Variants in SLC41A2 observed in about 807,000 individuals in gnomAD.
The protein encoded by SLC41A2 is solute carrier family 41 member 2.
A neutral mutation model predicts 58.3 loss-of-function variants in SLC41A2; 32 were observed. That is an observed-to-expected ratio of 0.55 (90% CI 0.41 to 0.74). SLC41A2 has a LOEUF of 0.74. Among genes scored for constraint, SLC41A2 ranks in the 30% least tolerant of loss-of-function variants. The pLI is 0.00. For synonymous variants in SLC41A2, 190 were observed against 235.0 expected (o/e 0.81, Z 1.75); for missense variants, 514 against 680.6 (o/e 0.76, Z 2.72).
chr12:104,823,892 T>C lies in SLC41A2; in HGVS notation c.1537-18555A>G, dbSNP rs557111400. On this transcript the variant is annotated intron_variant, in intron 10 of 10. Coordinates refer to ENST00000258538, the MANE Select transcript of SLC41A2 (RefSeq NM_001352171.3). ...ATTATATTGTATTAGGGATTTTTGT[T>C]AAATAAGTAGATTTTAGCTGTTTTT... Among the ~76,000 whole-genome samples, 4 of 152,330 alleles carry C rather than the reference T, an allele frequency of 2.6e-5. No individual in the cohort carries two copies. The East Asian group carries it at 7.7e-4, about 29-fold the overall frequency.
intron 10 of SLC41A2, among the ~76,000 whole-genome samples, chr12:104,830,142 G>T (rs2041991126): frequency 6.6e-6 from 1 of 152,188 alleles, no homozygotes; most frequent in Non-Finnish European, 1.5e-5. Flanking sequence ...TGACTGGGGA[G>T]TTGGTTCATA....
intron 8 of SLC41A2, among the ~76,000 whole-genome samples, chr12:104,853,920 T>TA (rs2042913134): frequency 1.3e-5 from 1 of 79,114 alleles, no homozygotes; most frequent in African/African-American, 3.7e-5. Flanking sequence ...GATTTTTTTT[T>TA]TTTTTTTTTT....
At chr12:104,958,448 G>C (rs1318322398), upstream of SLC41A2, 4 of 151,666 alleles carry the variant, frequency 2.6e-5, no homozygotes, top group South Asian at 2.1e-4. Context: ...CGCCCCGCCC[G>C]GACCCCGGCC....
chr12:104,936,645 A>G (rs1487818425), intron 1 of SLC41A2, among the ~76,000 whole-genome samples: 1 of 152,220 alleles, frequency 6.6e-6, no homozygotes, highest in African/African-American at 2.4e-5. Flanking sequence ...TCATGAGAAC[A>G]GCACAAGAAA....
intron 2 of SLC41A2, among the ~76,000 whole-genome samples, chr12:104,917,271 T>C (rs976231978): frequency 2.7e-5 from 4 of 150,694 alleles, no homozygotes; most frequent in Non-Finnish European, 4.5e-5. Flanking sequence ...AAAACCACAA[T>C]GAGATACCAT....
intron 1 of SLC41A2, among the ~76,000 whole-genome samples, chr12:104,929,649 C>T (rs977036789): frequency 6.6e-6 from 1 of 152,244 alleles, no homozygotes; most frequent in Admixed American, 6.5e-5. Context: ...CTGACAATTG[C>T]TGCCATAGCT....
chr12:104,878,394 T>C (rs1412732352), intron 6 of SLC41A2, among the ~76,000 whole-genome samples: 4 of 151,478 alleles, frequency 2.6e-5, no homozygotes, highest in African/African-American at 9.7e-5. Flanking sequence ...ACATGTGCCA[T>C]GTTGCTGTGC....
At chr12:104,833,335 C>G (rs1253313003) in intron 10 of SLC41A2, among the ~76,000 whole-genome samples, 5 of 152,268 alleles carry the variant, frequency 3.3e-5, no homozygotes, top group Non-Finnish European at 5.9e-5. Context: ...TAGGGGCCAA[C>G]CAAACAATGG....
chr12:104,826,841 G>A (rs1484006808), intron 10 of SLC41A2, among the ~76,000 whole-genome samples: 1 of 152,206 alleles, frequency 6.6e-6, no homozygotes, highest in African/African-American at 2.4e-5. Context: ...CCTGATGGAC[G>A]CTGAGAAGCA....
At chr12:104,876,878 C>T (rs1012419606) in intron 6 of SLC41A2, among the ~76,000 whole-genome samples, 2 of 152,164 alleles carry the variant, frequency 1.3e-5, no homozygotes, top group South Asian at 2.1e-4. Flanking sequence ...AAGTGGGGTA[C>T]TGAAGTCCCC....
intron 1 of SLC41A2, among the ~76,000 whole-genome samples, chr12:104,937,555 G>C (rs1009938741): frequency 8.5e-5 from 13 of 152,320 alleles, no homozygotes; most frequent in South Asian, 2.1e-4. Flanking sequence ...ATCTAGGTTT[G>C]TGTTAGCATA....
In SLC41A2 at chr12:104,934,063, A is replaced by G. The variant is rs76147182; in HGVS notation, c.-167-5369T>C. Among the ~76,000 whole-genome samples, 1,249 of 149,066 alleles carry G rather than the reference A, an allele frequency of 8.4e-3. 31 individuals carry two copies. The East Asian group carries it at 0.12, about 14-fold the overall frequency. On this transcript the variant is annotated intron_variant, in intron 1 of 10. Coordinates refer to ENST00000258538, the MANE Select transcript of SLC41A2 (RefSeq NM_001352171.3). ...CAAAACTACTTGTACTCATAAAGCT[A>G]CTAAAAAAAAAAAATTGTTTAAGTT...
chr12:104,851,875 A>C (rs1187019533), intron 8 of SLC41A2: 1 of 152,198 alleles, frequency 6.6e-6, no homozygotes, highest in Non-Finnish European at 1.5e-5. Context: ...TAGTGTTGCT[A>C]AAGTTGGTAT....
intron 6 of SLC41A2, among the ~76,000 whole-genome samples, chr12:104,869,988 G>A (rs1271095784): frequency 1.3e-5 from 2 of 152,078 alleles, no homozygotes; most frequent in Admixed American, 6.6e-5. Flanking sequence ...ATTAAAATCT[G>A]GGTATATCAT....
intron 6 of SLC41A2, among the ~76,000 whole-genome samples, chr12:104,885,291 T>A (rs1749328154): frequency 6.6e-6 from 1 of 152,206 alleles, no homozygotes; most frequent in African/African-American, 2.4e-5. Context: ...TGCCACTCAC[T>A]AAATAACTTA....
At chr12:104,925,769 G>A (rs2046812263) in intron 2 of SLC41A2, among the ~76,000 whole-genome samples, 2 of 152,114 alleles carry the variant, frequency 1.3e-5, no homozygotes, top group African/African-American at 4.8e-5. Flanking sequence ...CTGCTAAGCT[G>A]TACTCTAACA....
rs527940874 is a variant in SLC41A2, at chr12:104,835,212, T to A, written c.1536+9260A>T. 3.5e-4 allele frequency among the ~76,000 whole-genome samples: 53 copies of A among 152,358 alleles called. 1 individual carries two copies. In the South Asian group the frequency reaches 0.011, roughly 32 times the overall value. On this transcript the variant is annotated intron_variant, in intron 10 of 10. Transcript: ENST00000258538. ...AGTGCCTGAGCAGTGACTGCCTAGC[T>A]GATGCAGGTATTTGATGGTGGAAGC... is the stretch of plus-strand genomic sequence containing the variant.
chr12:104,909,798 C>T, intron 2 of SLC41A2, 36 bp from the exon 3 acceptor site: 1 of 1,410,290 alleles, frequency 7.1e-7, no homozygotes, highest in Non-Finnish European at 9.7e-7. Flanking sequence ...TTTTCTGGCA[C>T]TCTTTAAAAA....
chr12:104,879,055 G>A (rs2044217381), intron 6 of SLC41A2, among the ~76,000 whole-genome samples: 1 of 152,222 alleles, frequency 6.6e-6, no homozygotes, highest in Non-Finnish European at 1.5e-5. Flanking sequence ...GCATTTCTCT[G>A]ATGGCCAGTG....
Sources: allele counts gnomAD v4.1 joint callset (sites outside exome capture counted in the v4.1 genomes callset), GRCh38; gene constraint gnomAD v4.1.1; transcripts MANE v1.5; gene names NCBI Gene and HGNC (gene_info 2026-07-23, HGNC 2026-07-21).